RANBP2: variants seen among roughly 807,000 people sequenced by gnomAD.
The protein encoded by RANBP2 is E3 SUMO-protein ligase RanBP2.
In RANBP2, 57 loss-of-function variants were observed where a neutral mutation model predicts 303.6. That is an observed-to-expected ratio of 0.19 (90% CI 0.15 to 0.23). The LOEUF (loss-of-function observed/expected upper bound fraction) is 0.23, where lower values mean the gene tolerates loss of function less well. Ranked by LOEUF, RANBP2 falls within the 10% of genes least tolerant of loss-of-function variation. The pLI, the probability that RANBP2 is intolerant of heterozygous loss-of-function variation, is 1.00. For synonymous variants in RANBP2, 1,167 were observed against 1,301.5 expected, an observed-to-expected ratio of 0.90 and a Z score of 2.23; for missense variants, 3,138 against 3,780.8, an observed-to-expected ratio of 0.83 and a Z score of 4.46.
the RANBP2 span, among the ~76,000 whole-genome samples, chr2:109,602,736 A>C: frequency 5.3e-5 from 8 of 151,826 alleles, no homozygotes; most frequent in Admixed American, 2.0e-4. Flanking sequence ...AAAAGAGAGC[A>C]TGTTCCATGC....
At chr2:109,336,393 T>C in the RANBP2 span, among the ~76,000 whole-genome samples, 2 of 152,244 alleles carry the variant, frequency 1.3e-5, no homozygotes, top group African/African-American at 4.8e-5. Flanking sequence ...ATAACTGGAT[T>C]GACTCACTAG....
At chr2:109,151,948 A>C in the RANBP2 span, among the ~76,000 whole-genome samples, 2 of 152,254 alleles carry the variant, frequency 1.3e-5, no homozygotes, top group East Asian at 1.9e-4. Context: ...GGGCTTATAA[A>C]ATGCATGCTG....
At chr2:109,170,269 C>A in the RANBP2 span, among the ~76,000 whole-genome samples, 1 of 78,328 alleles carries the variant, frequency 1.3e-5, no homozygotes, top group Non-Finnish European at 3.2e-5. Flanking sequence ...CTTCTCTTCT[C>A]TTCTCTTCTC....
At chr2:109,592,138 C>T in the RANBP2 span, among the ~76,000 whole-genome samples, 2 of 151,898 alleles carry the variant, frequency 1.3e-5, no homozygotes, top group African/African-American at 4.8e-5. Context: ...CACAGGAGTT[C>T]TATGCACCCA....
the RANBP2 span, among the ~76,000 whole-genome samples, chr2:109,277,046 C>G: frequency 5.3e-5 from 8 of 152,122 alleles, no homozygotes; most frequent in South Asian, 2.1e-4. Context: ...TGGCAGGCAC[C>G]ATGCTCTGTG....
chr2:109,198,277 G>A, the RANBP2 span, among the ~76,000 whole-genome samples: 1 of 152,234 alleles, frequency 6.6e-6, no homozygotes, highest in South Asian at 2.1e-4. Flanking sequence ...CACAGCTGCA[G>A]TGTCATCTCT....
At chr2:108,727,831 G>A (rs1694850807) in intron 1 of RANBP2, among the ~76,000 whole-genome samples, 1 of 152,072 alleles carries the variant, frequency 6.6e-6, no homozygotes, top group Non-Finnish European at 1.5e-5. Context: ...TCGAACTCTT[G>A]GCTTCAGGTG....
the RANBP2 span, among the ~76,000 whole-genome samples, chr2:109,288,899 T>G: frequency 6.6e-6 from 1 of 152,212 alleles, no homozygotes; most frequent in Admixed American, 6.5e-5. Flanking sequence ...CACCAGTGTC[T>G]GCAGAGCATA....
At chr2:109,420,615 T>A in the RANBP2 span, among the ~76,000 whole-genome samples, 1 of 151,984 alleles carries the variant, frequency 6.6e-6, no homozygotes, top group Non-Finnish European at 1.5e-5. Context: ...CTGGCTAAAT[T>A]TTTGTATTTT....
chr2:109,637,056 T>C, the RANBP2 span, among the ~76,000 whole-genome samples: 3 of 152,096 alleles, frequency 2.0e-5, no homozygotes, highest in African/African-American at 7.2e-5. Context: ...AAAAGGAATG[T>C]AGTAGGAGGG....
At chr2:109,050,139 G>GA in the RANBP2 span, among the ~76,000 whole-genome samples, 58,780 of 151,996 alleles carry the variant, frequency 0.39, 12,439 homozygotes, top group Non-Finnish European at 0.48. Context: ...GATTAAGTAT[G>GA]AAAAAACTGT....
the RANBP2 span, among the ~76,000 whole-genome samples, chr2:108,845,861 G>A: frequency 4.4e-4 from 67 of 152,240 alleles, no homozygotes; most frequent in African/African-American, 1.5e-3. Context: ...GTGAGCCACC[G>A]CGCCCAGCCT....
the RANBP2 span, among the ~76,000 whole-genome samples, chr2:109,610,328 T>A: frequency 6.6e-6 from 1 of 152,064 alleles, no homozygotes; most frequent in Non-Finnish European, 1.5e-5. Flanking sequence ...GACCTCATGA[T>A]CCATCCATCT....
chr2:109,268,511 A>G, the RANBP2 span, among the ~76,000 whole-genome samples: 2 of 152,176 alleles, frequency 1.3e-5, no homozygotes, highest in African/African-American at 4.8e-5. Context: ...ACCTCTGTCC[A>G]GCAGGAGCCT....
chr2:109,669,549 G>T, the RANBP2 span, among the ~76,000 whole-genome samples: 1 of 152,100 alleles, frequency 6.6e-6, no homozygotes, highest in Non-Finnish European at 1.5e-5. Flanking sequence ...TTTTTTGAGA[G>T]AAGACACATG....
the RANBP2 span, among the ~76,000 whole-genome samples, chr2:109,190,976 G>A: frequency 4.0e-5 from 6 of 151,368 alleles, no homozygotes; most frequent in Non-Finnish European, 8.8e-5. Context: ...TTTAATAGTT[G>A]CGTCAGGCGA....
the RANBP2 span, among the ~76,000 whole-genome samples, chr2:109,327,694 T>C: frequency 6.6e-6 from 1 of 152,238 alleles, no homozygotes; most frequent in South Asian, 2.1e-4. Context: ...ATGTACATGT[T>C]TGGTTAAATT....
chr2:109,509,788 C>T, the RANBP2 span, among the ~76,000 whole-genome samples: 2 of 152,018 alleles, frequency 1.3e-5, no homozygotes, highest in Non-Finnish European at 2.9e-5. Flanking sequence ...CAGAGACACA[C>T]GCTGAGGCAC....
chr2:109,357,056 T>A, the RANBP2 span, among the ~76,000 whole-genome samples: 13 of 151,854 alleles, frequency 8.6e-5, no homozygotes, highest in African/African-American at 2.2e-4. Flanking sequence ...GTTACCTTTT[T>A]AAAATTTTTT....
Sources: allele counts gnomAD v4.1 joint callset (sites outside exome capture counted in the v4.1 genomes callset), GRCh38; gene constraint gnomAD v4.1.1; transcripts MANE v1.5; gene names NCBI Gene and HGNC (gene_info 2026-07-23, HGNC 2026-07-21).